HELZ: variants seen among roughly 807,000 people sequenced by gnomAD.
The protein encoded by HELZ is ATP-dependent RNA helicase with zinc finger domain.
A neutral mutation model predicts 218.2 loss-of-function variants in HELZ; 23 were observed. That is an observed-to-expected ratio of 0.11 (90% CI 0.08 to 0.15). The LOEUF is 0.15. Ranked by LOEUF, HELZ falls within the 10% of genes least tolerant of loss-of-function variation. The pLI is 1.00. For synonymous variants in HELZ, 814 were observed against 829.4 expected (o/e 0.98, Z 0.32); for missense variants, 1,813 against 2,353.7 (o/e 0.77, Z 4.75).
intron 22 of HELZ, among the ~76,000 whole-genome samples, chr17:67,137,298 T>C (rs2038184317): frequency 6.6e-6 from 1 of 152,210 alleles, no homozygotes. Flanking sequence ...AAGTCTCCTC[T>C]GGGTGCTTTC....
chr17:67,113,265 A>C (rs1425910722), intron 28 of HELZ, among the ~76,000 whole-genome samples: 2 of 151,700 alleles, frequency 1.3e-5, no homozygotes, highest in Non-Finnish European at 2.9e-5. Context: ...AGGAGAGATT[A>C]ATTTTTTTTT....
In HELZ at chr17:67,110,498, T is replaced by C. The variant is rs373608277; in HGVS notation, c.3919-812A>G. Among the ~76,000 whole-genome samples, 30 of 152,342 alleles carry C rather than the reference T, an allele frequency of 2.0e-4. No individual in the cohort carries two copies. The South Asian group carries it at 5.6e-3, about 28-fold the overall frequency. On this transcript the variant is annotated intron_variant, in intron 28 of 32. Coordinates refer to ENST00000358691, the MANE Select transcript of HELZ (RefSeq NM_014877.4). ...TATATCACCTTTGTATATAACTAGT[T>C]TGGTTGTCAATTTTTCCATTACATA... is the stretch of plus-strand genomic sequence containing the variant.
intron 9 of HELZ, among the ~76,000 whole-genome samples, chr17:67,190,745 C>A (rs1467988187): frequency 1.3e-5 from 2 of 152,190 alleles, no homozygotes; most frequent in African/African-American, 4.8e-5. Context: ...GAGTCTCACT[C>A]CGTTGCCCAG....
At chr17:67,136,364 C>T (rs2038150537) in intron 22 of HELZ, among the ~76,000 whole-genome samples, 166 bp from the exon 23 acceptor site, 1 of 152,302 alleles carries the variant, frequency 6.6e-6, no homozygotes, top group Middle Eastern at 3.4e-3. Flanking sequence ...TCCAATGGTA[C>T]AGCTGCTGTG....
At chr17:67,178,157 C>A (rs1372123756) in intron 13 of HELZ, among the ~76,000 whole-genome samples, 1 of 152,118 alleles carries the variant, frequency 6.6e-6, no homozygotes, top group Non-Finnish European at 1.5e-5. Flanking sequence ...TTGGTCTTAA[C>A]CTGTGGCATA....
At chr17:67,119,105 G>T (rs1369118711) in intron 27 of HELZ, among the ~76,000 whole-genome samples, 1 of 152,108 alleles carries the variant, frequency 6.6e-6, no homozygotes, top group Non-Finnish European at 1.5e-5. Context: ...TAATATGGCA[G>T]TTTCTTATAA....
chr17:67,151,009 C>A (rs2144047764), intron 18 of HELZ, 37 bp downstream of exon 18: 1 of 1,583,756 alleles, frequency 6.3e-7, no homozygotes, highest in South Asian at 1.1e-5. Context: ...AATTCATAAG[C>A]CCTAAACTTG....
At chr17:67,230,516 G>A (rs938575265) in intron 3 of HELZ, among the ~76,000 whole-genome samples, 1 of 143,798 alleles carries the variant, frequency 7.0e-6, no homozygotes, top group Non-Finnish European at 1.5e-5. Flanking sequence ...AGAATCGCTT[G>A]AACCTGGGAG....
At chr17:67,110,321 G>A (rs1462839704) in intron 28 of HELZ, among the ~76,000 whole-genome samples, 4 of 151,970 alleles carry the variant, frequency 2.6e-5, no homozygotes, top group Admixed American at 2.0e-4. Context: ...CGCCTGCCTC[G>A]GCCTCCCAAA....
At chr17:67,094,073 G>C (rs1006945945) in intron 31 of HELZ, among the ~76,000 whole-genome samples, 28 of 152,172 alleles carry the variant, frequency 1.8e-4, no homozygotes, top group Admixed American at 2.6e-4. Flanking sequence ...TGTAGTCCCA[G>C]CACTTTTGGA....
At chr17:67,124,094 T>C in intron 24 of HELZ, 80 bp from the exon 25 acceptor site, 2 of 895,024 alleles carry the variant, frequency 2.2e-6, no homozygotes, top group Non-Finnish European at 1.8e-6. Flanking sequence ...TAATCATATG[T>C]AAATTAATGT....
chr17:67,171,667 A>G (rs1026997263), intron 13 of HELZ, among the ~76,000 whole-genome samples: 1 of 152,142 alleles, frequency 6.6e-6, no homozygotes, highest in African/African-American at 2.4e-5. Context: ...GTAGCTTTCT[A>G]TAGCTCTGAG....
At chr17:67,209,133 A>C (rs944789975) in intron 5 of HELZ, among the ~76,000 whole-genome samples, 7 of 151,282 alleles carry the variant, frequency 4.6e-5, no homozygotes, top group African/African-American at 7.3e-5. Flanking sequence ...AAAAAAAAAA[A>C]AACAACACTG....
chr17:67,168,642 TGGAG>T (rs976425823), intron 13 of HELZ, among the ~76,000 whole-genome samples: 6 of 152,234 alleles, frequency 3.9e-5, no homozygotes, highest in African/African-American at 9.6e-5. Context: ...CATGGCTACA[TGGAG>T]GCAGGTCTCA....
chr17:67,085,057 AGAATGCACCACTACAC>A (rs2036324513), intron 32 of HELZ, among the ~76,000 whole-genome samples: 2 of 152,016 alleles, frequency 1.3e-5, no homozygotes, highest in South Asian at 4.2e-4. Flanking sequence ...CAGTGAGCTG[AGAATGCACCACTACAC>A]TCTAGCCACG....
chr17:67,236,844 T>TAAAGTCTCAAAAGGACCACCCC (rs1471654500), intron 3 of HELZ, among the ~76,000 whole-genome samples: 2 of 152,140 alleles, frequency 1.3e-5, no homozygotes, highest in African/African-American at 2.4e-5. Flanking sequence ...ACAAGCTTGA[T>TAAAGTCTCAAAAGGACCACCCC]AAAGTCTCAA....
At chr17:67,218,844 A>G in intron 3 of HELZ, 22 bp from the exon 4 acceptor site, 4 of 1,556,584 alleles carry the variant, frequency 2.6e-6, no homozygotes, top group Non-Finnish European at 3.5e-6. Context: ...GAGAAAGAAC[A>G]AGAGAAGGTT....
chr17:67,115,066 A>G (rs1415206217), intron 27 of HELZ, among the ~76,000 whole-genome samples: 2 of 152,174 alleles, frequency 1.3e-5, no homozygotes, highest in African/African-American at 4.8e-5. Flanking sequence ...GTTCCAAAAC[A>G]TTCTTTTTGG....
At chr17:67,148,797 C>T in intron 19 of HELZ, 83 bp from the exon 20 acceptor site, 2 of 1,292,460 alleles carry the variant, frequency 1.5e-6, no homozygotes, top group Middle Eastern at 1.9e-4. Flanking sequence ...ATCCACTATG[C>T]TAAAACTTCT....
Sources: gnomAD v4.1 joint callset for allele counts (sites outside exome capture counted in the v4.1 genomes callset) on GRCh38, gnomAD v4.1.1 for gene constraint, MANE v1.5 for transcripts, NCBI Gene and HGNC (gene_info 2026-07-23, HGNC 2026-07-21) for gene names.